The following AREL1 variants were observed in gnomAD, a reference collection of about 807,000 sequenced individuals.
The protein encoded by AREL1 is apoptosis-resistant E3 ubiquitin protein ligase 1.
Under a neutral mutation model 99.0 loss-of-function variants are expected in AREL1, and 62 were observed. That is an observed-to-expected ratio of 0.63 (90% confidence interval 0.51 to 0.77). The LOEUF is 0.77. AREL1 is among the 30% of genes least tolerant of loss of function. The pLI is 0.00. For missense variants in AREL1, 879 were observed against 1,027.6 expected, an observed-to-expected ratio of 0.86 and a Z score of 1.98; for synonymous variants, 380 against 376.5, an observed-to-expected ratio of 1.01 and a Z score of -0.11.
At position 74,663,717 on chromosome 14, in the gene AREL1, T is replaced by C. The variant is rs751662342; in HGVS notation, c.*3A>G. The C allele has an allele frequency of 4.3e-6, 7 of 1,612,898 alleles. No individual in the cohort carries two copies. Among genetic ancestry groups the C allele is most frequent in the Non-Finnish European group, 5.9e-6 (7 of 1,179,768 alleles). On this transcript the variant is annotated 3_prime_UTR_variant, in exon 20 of 20. Coordinates refer to ENST00000356357, the MANE Select transcript of AREL1 (RefSeq NM_001039479.2). ...GGGAGCCAACTGGATGACAGGAGAGTGGTCAGAGCATGCCAAAGCCCTCGC... is the reference window on the plus strand; with the variant it reads ...GGGAGCCAACTGGATGACAGGAGAGCGGTCAGAGCATGCCAAAGCCCTCGC...
At chr14:74,698,961 C>T (rs868597569) in intron 1 of AREL1, 14 of 156,070 alleles carry the variant, frequency 9.0e-5, no homozygotes, top group African/African-American at 3.1e-4. Context: ...GAGGGTGAGG[C>T]TGCAGGGAGC....
rs763115156 is a variant in AREL1, at chr14:74,663,793, T to C, written c.2399A>G (p.Asp800Gly). ...CFNQLCLPTY[D>G]SYEEVHRMLQ... ...CATCCTGTGCACCTCTTCATAGGAG[T>C]CATATGTAGGGAGGCACAGCTGGTT... Residue 800 changes from aspartate to glycine, a missense_variant, in exon 20 of 20, where the codon GAC becomes GGC. By Grantham distance (94) the Asp-to-Gly change is moderately conservative. Transcript: ENST00000356357. 1.2e-6 allele frequency: 2 copies of C among 1,613,520 alleles called. No individual in the cohort carries two copies. Among genetic ancestry groups the C allele is most frequent in the African/African-American group, 1.3e-5 (1 of 74,784 alleles).
At chr14:74,711,235 C>CAAA (rs142774254) in intron 1 of AREL1, among the ~76,000 whole-genome samples, 1 of 79,798 alleles carries the variant, frequency 1.3e-5, no homozygotes, top group Non-Finnish European at 2.6e-5. Context: ...AACTCCGTCT[C>CAAA]AAAAAAAAAA....
At chr14:74,687,628 T>C (rs140221276) in intron 2 of AREL1, among the ~76,000 whole-genome samples, 5 of 152,266 alleles carry the variant, frequency 3.3e-5, no homozygotes, top group Admixed American at 2.0e-4. Context: ...GACAAGTCAT[T>C]TAATCTTTGT....
At chr14:74,691,880 G>C (rs1410120126) in intron 2 of AREL1, 161 bp downstream of exon 2, 1 of 160,096 alleles carries the variant, frequency 6.2e-6, no homozygotes, top group Non-Finnish European at 1.4e-5. Flanking sequence ...ATGGAGAACT[G>C]GTTTCTTCAT....
Position 74,667,616 on chromosome 14 carries a change from A to C in AREL1, c.1915-22T>G, listed in dbSNP as rs773160175. On this transcript the variant is annotated intron_variant, in intron 15 of 19. Coordinates refer to ENST00000356357, the MANE Select transcript of AREL1 (RefSeq NM_001039479.2). The stretch of plus-strand genomic sequence containing the variant: ...CAACCTGTAACAGGCAGCAAAAGAC[A>C]GACAAGGGAGAGGCTGTGGATGGAA... The C allele has an allele frequency of 1.9e-6, 3 of 1,581,390 alleles. No individual in the cohort carries two copies. The South Asian group carries it at 3.5e-5, about 18-fold the overall frequency.
intron 1 of AREL1, among the ~76,000 whole-genome samples, chr14:74,693,637 G>A (rs1312336761): frequency 6.6e-6 from 1 of 152,084 alleles, no homozygotes; most frequent in African/African-American, 2.4e-5. Flanking sequence ...GAGGAAACTG[G>A]GACACAGAAA....
chr14:74,709,019 T>C (rs2090234533), intron 1 of AREL1, among the ~76,000 whole-genome samples: 1 of 152,102 alleles, frequency 6.6e-6, no homozygotes, highest in Non-Finnish European at 1.5e-5. Context: ...ACCTCAAAAG[T>C]TTGAAAACTA....
intron 5 of AREL1, among the ~76,000 whole-genome samples, chr14:74,677,516 T>G (rs1347228399): frequency 1.4e-5 from 2 of 138,762 alleles, no homozygotes; most frequent in Non-Finnish European, 3.1e-5. Flanking sequence ...TTTTTTTTTT[T>G]TTTTTTTTGA....
intron 1 of AREL1, among the ~76,000 whole-genome samples, chr14:74,711,304 C>T (rs1465197635): frequency 1.3e-5 from 2 of 151,230 alleles, no homozygotes; most frequent in Admixed American, 1.3e-4. Flanking sequence ...CTTTGGGAGG[C>T]CGAGGTGGGC....
At chr14:74,698,095 T>C (rs1216036670) in intron 1 of AREL1, among the ~76,000 whole-genome samples, 1 of 152,234 alleles carries the variant, frequency 6.6e-6, no homozygotes, top group African/African-American at 2.4e-5. Flanking sequence ...AATATATTCA[T>C]AGATATTCTG....
chr14:74,665,217 G>A (rs1400282284), intron 17 of AREL1, among the ~76,000 whole-genome samples: 1 of 151,746 alleles, frequency 6.6e-6, no homozygotes, highest in Non-Finnish European at 1.5e-5. Context: ...TCTCGGAACA[G>A]GTTATGAGCT....
In AREL1 at chr14:74,685,738, T is replaced by C. The variant is rs919232063; in HGVS notation, c.-45-78A>G. Reference sequence around the variant, plus strand: ...TCTCAGAGTAAGACAAAGAAGAGTGTATGGCGTGAGCCAAACAACTCTCTC... The same window carrying C: ...TCTCAGAGTAAGACAAAGAAGAGTGCATGGCGTGAGCCAAACAACTCTCTC... On this transcript the variant is annotated intron_variant, in intron 2 of 19. Transcript: ENST00000356357. The C allele has an allele frequency of 3.8e-6, 5 of 1,324,538 alleles. No individual in the cohort carries two copies. In the African/African-American group the frequency reaches 4.5e-5, roughly 12 times the overall value. The allele number at this position is 1,324,538 out of a possible 1,614,324, so 82.0% of individuals were successfully genotyped here. A position where few individuals can be genotyped will look rare whatever the true frequency, so the allele number is the denominator to read the frequency against.
chr14:74,664,995 C>T, intron 17 of AREL1, 70 bp from the exon 18 acceptor site: 2 of 1,290,670 alleles, frequency 1.5e-6, no homozygotes, highest in Non-Finnish European at 2.2e-6. Context: ...GTCAAAATTA[C>T]CTAAGTTAAC....
rs773983593 is a variant in AREL1, at chr14:74,676,121, A to T, written c.832+20T>A. On this transcript the variant is annotated intron_variant, in intron 7 of 19. Coordinates refer to ENST00000356357, the MANE Select transcript of AREL1 (RefSeq NM_001039479.2). ...AACGGCTGAAGAACAGCACTAAATCATACTTTTCTTTTAACTTACCACTTA... is the reference window on the plus strand; with the variant it reads ...AACGGCTGAAGAACAGCACTAAATCTTACTTTTCTTTTAACTTACCACTTA... 5 of 1,607,730 alleles carry T rather than the reference A, an allele frequency of 3.1e-6. No individual in the cohort carries two copies. In the South Asian group the frequency reaches 5.5e-5, roughly 18 times the overall value.
rs1444643016 is a variant in AREL1 at position 74,692,251 on chromosome 14, T to TA, written c.-257dup. 2 of 456,294 alleles carry TA rather than the reference T, an allele frequency of 4.4e-6. No individual in the cohort carries two copies. The highest frequency in any genetic ancestry group is 8.8e-6 in the Non-Finnish European group (2 of 226,920). The allele number at this position is 456,294 out of a possible 1,614,324, so 28.3% of individuals were successfully genotyped here. ...CTGGATGAACTCCAGGGTAGAGAAA[T>TA]ACAGCCCAAGAATATATCATTCCTG... On this transcript the variant is annotated 5_prime_UTR_variant, in exon 2 of 20. It introduces an in-frame stop codon into an upstream open reading frame of the 5' UTR. Transcript: ENST00000356357.
chr14:74,700,820 T>C (rs1201765616), intron 1 of AREL1, among the ~76,000 whole-genome samples: 1 of 152,118 alleles, frequency 6.6e-6, no homozygotes, highest in East Asian at 1.9e-4. Flanking sequence ...GTTAAAGGAA[T>C]ATGACTTCAT....
intron 17 of AREL1, 76 bp from the exon 18 acceptor site, chr14:74,665,001 T>C (rs997632023): frequency 2.5e-6 from 3 of 1,179,162 alleles, no homozygotes; most frequent in African/African-American, 3.1e-5. Flanking sequence ...ATTACCTAAG[T>C]TAACAGGCAA....
intron 15 of AREL1, 98 bp from the exon 16 acceptor site, chr14:74,667,692 C>T (rs2089239858): frequency 1.4e-6 from 2 of 1,428,272 alleles, no homozygotes; most frequent in Admixed American, 2.3e-5. Flanking sequence ...GATTACTGAC[C>T]TCCATCACTG....
Sources: allele counts gnomAD v4.1 joint callset (sites outside exome capture counted in the v4.1 genomes callset), GRCh38; gene constraint gnomAD v4.1.1; transcripts MANE v1.5; gene names NCBI Gene and HGNC (gene_info 2026-07-23, HGNC 2026-07-21).